MAP3K5: variants seen among roughly 807,000 people sequenced by gnomAD.
The protein encoded by MAP3K5 is ASK-1.
Under a neutral mutation model 158.7 loss-of-function variants are expected in MAP3K5, and 56 were observed. The observed-to-expected ratio is 0.35, with a 90% CI of 0.28 to 0.44. The LOEUF (loss-of-function observed/expected upper bound fraction) is 0.44, where lower values mean the gene tolerates loss of function less well. MAP3K5 is among the 20% of genes least tolerant of loss of function. The probability of loss-of-function intolerance (pLI) is 1.00; values close to 1 mark genes in which losing one functional copy is unlikely to be tolerated. For missense variants in MAP3K5, 1,294 were observed against 1,674.8 expected, an observed-to-expected ratio of 0.77 and a Z score of 3.97; for synonymous variants, 579 against 601.7, an observed-to-expected ratio of 0.96 and a Z score of 0.55.
intron 4 of MAP3K5, among the ~76,000 whole-genome samples, chr6:136,698,221 TG>T (rs1204540705): frequency 6.6e-6 from 1 of 152,268 alleles, no homozygotes; most frequent in Admixed American, 6.5e-5. Context: ...GTATTGTTTC[TG>T]TACTTGCTTT....
chr6:136,694,175 G>A lies in MAP3K5; in HGVS notation c.1218C>T (p.Phe406=), dbSNP rs1482562610. ...IYKDMFLDSN[F]TDTESRDHGA... is the part of the protein sequence containing the mutation. ...CATGGTCTCTGCTTTCAGTGTCCGT[G>A]AAATTAGAGTCCAAAAACATATCTT... Residue 406 remains phenylalanine (F), a synonymous_variant, in exon 7 of 30, where the codon TTC becomes TTT. Coordinates refer to ENST00000359015, the MANE Select transcript of MAP3K5 (RefSeq NM_005923.4). The A allele has an allele frequency of 6.2e-7, 1 of 1,613,536 alleles. No individual in the cohort carries two copies. The highest frequency in any genetic ancestry group is 8.5e-7 in the Non-Finnish European group (1 of 1,179,836).
chr6:136,789,015 AG>A (rs1333286901), intron 1 of MAP3K5, among the ~76,000 whole-genome samples: 68 of 152,330 alleles, frequency 4.5e-4, no homozygotes, highest in African/African-American at 1.6e-3. Flanking sequence ...TAAAGATGGG[AG>A]GCTGGGTGCG....
intron 10 of MAP3K5, among the ~76,000 whole-genome samples, chr6:136,654,077 A>G (rs2114422655): frequency 6.6e-6 from 1 of 152,358 alleles, no homozygotes; most frequent in Middle Eastern, 3.4e-3. Context: ...TATGTTGGCA[A>G]GATAACACCT....
At chr6:136,563,624 T>C (rs1190753185) in intron 26 of MAP3K5, among the ~76,000 whole-genome samples, 3 of 152,166 alleles carry the variant, frequency 2.0e-5, no homozygotes, top group Non-Finnish European at 4.4e-5. Flanking sequence ...GAAACTGTGA[T>C]ATTCATACCA....
chr6:136,626,604 A>G (rs17723620), intron 14 of MAP3K5, among the ~76,000 whole-genome samples: 3,947 of 152,274 alleles, frequency 0.026, 164 homozygotes, highest in East Asian at 0.15. Flanking sequence ...CAATTCCTGT[A>G]GTCTAGACTT....
Position 136,645,869 on chromosome 6 carries a change from G to A in MAP3K5, c.1789-3300C>T, listed in dbSNP as rs562778167. On this transcript the variant is annotated intron_variant, in intron 11 of 29. Coordinates refer to ENST00000359015, the MANE Select transcript of MAP3K5 (RefSeq NM_005923.4). ...GACTAAAGAAATAAACATGATAAATGAAAAGCTACATTCTCTATTCTAATT... is the reference window on the plus strand; with the variant it reads ...GACTAAAGAAATAAACATGATAAATAAAAAGCTACATTCTCTATTCTAATT... 2.0e-5 allele frequency among the ~76,000 whole-genome samples: 3 copies of A among 152,160 alleles called. No homozygotes were observed. The South Asian group carries it at 6.2e-4, about 32-fold the overall frequency.
rs370787683 is a variant in MAP3K5 at position 136,627,069 on chromosome 6, C to T, written c.2017-4088G>A. Among the ~76,000 whole-genome samples, 14 of 152,162 alleles carry T rather than the reference C, an allele frequency of 9.2e-5. 1 individual carries two copies. Among genetic ancestry groups the T allele is most frequent in the East Asian group, 7.7e-4 (4 of 5,204 alleles). Reference sequence around the variant, plus strand: ...CAGTATATTGTTAATATCCATGGAACATCCATTTGCTTTTTTTTAGCAGAC... The same window carrying T: ...CAGTATATTGTTAATATCCATGGAATATCCATTTGCTTTTTTTTAGCAGAC... On this transcript the variant is annotated intron_variant, in intron 14 of 29. Coordinates refer to ENST00000359015, the MANE Select transcript of MAP3K5 (RefSeq NM_005923.4).
At chr6:136,719,501 G>T (rs1045020746) in intron 2 of MAP3K5, among the ~76,000 whole-genome samples, 8 of 152,198 alleles carry the variant, frequency 5.3e-5, no homozygotes, top group Non-Finnish European at 1.2e-4. Flanking sequence ...CCAGCACAAT[G>T]CCTGGCATGT....
At chr6:136,739,692 G>A (rs1782630229) in intron 1 of MAP3K5, among the ~76,000 whole-genome samples, 2 of 152,136 alleles carry the variant, frequency 1.3e-5, no homozygotes, top group South Asian at 2.1e-4. Context: ...TCACTATTTT[G>A]GGGGGTCTGA....
intron 1 of MAP3K5, among the ~76,000 whole-genome samples, chr6:136,790,120 A>G (rs914954349): frequency 6.6e-6 from 1 of 152,226 alleles, no homozygotes; most frequent in African/African-American, 2.4e-5. Flanking sequence ...CTTCCTTCAC[A>G]GGCTTGTTTG....
At position 136,677,173 on chromosome 6, in the gene MAP3K5, T is replaced by C. The variant is rs1355664184; in HGVS notation, c.1254-7778A>G. Among the ~76,000 whole-genome samples, 12 of 145,420 alleles carry C rather than the reference T, an allele frequency of 8.3e-5. 1 individual carries two copies. In the East Asian group the frequency reaches 1.4e-3, roughly 17 times the overall value. ...TTTTTTTTGAGGCAGAGTGTCGCTC[T>C]GTTGCTCAGGCTGGAGTGTAGTGGC... On this transcript the variant is annotated intron_variant, in intron 7 of 29. Coordinates refer to ENST00000359015, the MANE Select transcript of MAP3K5 (RefSeq NM_005923.4).
chr6:136,757,768 A>G lies in MAP3K5; in HGVS notation c.448+33942T>C, dbSNP rs140259969. Among the ~76,000 whole-genome samples, 328 of 151,808 alleles carry G rather than the reference A, an allele frequency of 2.2e-3. 3 individuals are homozygous for G. The highest frequency in any genetic ancestry group is 7.7e-3 in the African/African-American group (321 of 41,434). ...CACCCAGCTATTTTTTGTTTTTAGT[A>G]GAGATGGGGTTTCACCTTGTTGGTC... On this transcript the variant is annotated intron_variant, in intron 1 of 29. Coordinates refer to ENST00000359015, the MANE Select transcript of MAP3K5 (RefSeq NM_005923.4).
At chr6:136,772,097 A>AT (rs1271495337) in intron 1 of MAP3K5, among the ~76,000 whole-genome samples, 1 of 111,722 alleles carries the variant, frequency 9.0e-6, no homozygotes, top group Non-Finnish European at 1.8e-5. Context: ...TTTAGTAGAA[A>AT]TGGGGGGGGG....
At chr6:136,706,606 T>G (rs912257671) in intron 2 of MAP3K5, among the ~76,000 whole-genome samples, 2 of 152,220 alleles carry the variant, frequency 1.3e-5, no homozygotes, top group African/African-American at 4.8e-5. Flanking sequence ...CGAGTCCATC[T>G]GGCTGAGGCA....
chr6:136,696,611 T>C (rs1009709), intron 5 of MAP3K5, among the ~76,000 whole-genome samples: 80,681 of 152,002 alleles, frequency 0.53, 21,646 homozygotes, highest in South Asian at 0.63. Context: ...CCAGATGTCA[T>C]TTAAATTTTA....
At chr6:136,656,716 C>A (rs753163740) in intron 9 of MAP3K5, among the ~76,000 whole-genome samples, 6 of 151,906 alleles carry the variant, frequency 3.9e-5, no homozygotes, top group Non-Finnish European at 7.4e-5. Context: ...GCTCCGCCTG[C>A]CGGGTTCATG....
intron 1 of MAP3K5, among the ~76,000 whole-genome samples, chr6:136,746,309 A>G (rs532064860): frequency 6.6e-6 from 1 of 152,330 alleles, no homozygotes; most frequent in East Asian, 1.9e-4. Flanking sequence ...GAAAATACAA[A>G]TACGTTCATG....
At chr6:136,645,401 C>T (rs1357198176) in intron 11 of MAP3K5, among the ~76,000 whole-genome samples, 1 of 152,112 alleles carries the variant, frequency 6.6e-6, no homozygotes, top group African/African-American at 2.4e-5. Context: ...TGAGTGGCCA[C>T]TGGCTGGAGC....
At chr6:136,723,832 T>C (rs754634216) in intron 1 of MAP3K5, among the ~76,000 whole-genome samples, 48 of 152,018 alleles carry the variant, frequency 3.2e-4, no homozygotes, top group Non-Finnish European at 5.7e-4. Flanking sequence ...AAGTTTTTTT[T>C]CCCCCCTCAA....
Sources: gnomAD v4.1 joint callset for allele counts (sites outside exome capture counted in the v4.1 genomes callset) on GRCh38, gnomAD v4.1.1 for gene constraint, MANE v1.5 for transcripts, NCBI Gene and HGNC (gene_info 2026-07-23, HGNC 2026-07-21) for gene names.